FRYL: variants seen among roughly 807,000 people sequenced by gnomAD.
FRYL encodes protein furry homolog-like.
FRYL carries 150 observed loss-of-function variants against 351.2 expected under a neutral mutation model. The ratio of observed to expected loss-of-function variants is 0.43; its 90% confidence interval spans 0.37 to 0.49. FRYL has a LOEUF of 0.49. Among genes scored for constraint, FRYL ranks in the 20% least tolerant of loss-of-function variants. FRYL has a pLI of 0.00. For missense variants in FRYL, 3,036 were observed against 3,619.3 expected, an observed-to-expected ratio of 0.84 and a Z score of 4.13; for synonymous variants, 1,153 against 1,257.1, an observed-to-expected ratio of 0.92 and a Z score of 1.75.
At chr4:48,541,600 T>A (rs1230711097) in intron 45 of FRYL, among the ~76,000 whole-genome samples, 1 of 152,178 alleles carries the variant, frequency 6.6e-6, no homozygotes, top group Non-Finnish European at 1.5e-5. Flanking sequence ...GAGTTAGAAA[T>A]GCTTAGCTAG....
At chr4:48,666,574 T>C (rs531386365) in intron 3 of FRYL, among the ~76,000 whole-genome samples, 22 of 152,252 alleles carry the variant, frequency 1.4e-4, no homozygotes, top group Admixed American at 1.4e-3. Context: ...TTCATAATCT[T>C]AATATTCCTT....
chr4:48,539,943 G>A, intron 47 of FRYL, 28 bp downstream of exon 47: 1 of 1,499,960 alleles, frequency 6.7e-7, no homozygotes, highest in Non-Finnish European at 9.3e-7. Flanking sequence ...TCCCTATAGT[G>A]TTACCTTTCA....
chr4:48,761,410 C>T (rs1533511), intron 1 of FRYL, among the ~76,000 whole-genome samples: 149,359 of 152,266 alleles, frequency 0.98, 73,314 homozygotes, highest in East Asian at 1. Context: ...ACTGTAGCCA[C>T]AGTAACGTCA....
At chr4:48,671,158 T>C (rs1030738064) in intron 3 of FRYL, among the ~76,000 whole-genome samples, 17 of 152,194 alleles carry the variant, frequency 1.1e-4, no homozygotes, top group Non-Finnish European at 1.0e-4. Flanking sequence ...TGGAGTGAGA[T>C]GATATCTCAC....
intron 53 of FRYL, among the ~76,000 whole-genome samples, chr4:48,525,481 T>G (rs1384866123): frequency 6.6e-6 from 1 of 152,158 alleles, no homozygotes; most frequent in East Asian, 1.9e-4. Flanking sequence ...CTTTACTTCC[T>G]CAAACTGGTC....
At chr4:48,702,733 C>T (rs1237581609) in intron 2 of FRYL, among the ~76,000 whole-genome samples, 1 of 131,796 alleles carries the variant, frequency 7.6e-6, no homozygotes, top group Non-Finnish European at 1.5e-5. Context: ...TGCACTCCAG[C>T]CTGGGCGACA....
In FRYL at chr4:48,710,690, T is replaced by C; in HGVS notation, c.-375A>G. 2 of 398,030 alleles carry C rather than the reference T, an allele frequency of 5.0e-6. No individual in the cohort carries two copies. The highest frequency in any genetic ancestry group is 1.3e-4 in the South Asian group (1 of 7,702). 24.7% of individuals were successfully genotyped at this position (398,030 alleles called of 1,614,324 possible). On this transcript the variant is annotated 5_prime_UTR_variant, in exon 2 of 64. Transcript: ENST00000358350. Reference sequence around the variant, plus strand: ...ACCGTGTGTGAAGCAGAATATGGAATGTTCTAGGCTGGAAGATTAAAAAAT... The same window carrying C: ...ACCGTGTGTGAAGCAGAATATGGAACGTTCTAGGCTGGAAGATTAAAAAAT...
intron 3 of FRYL, among the ~76,000 whole-genome samples, chr4:48,666,634 C>G (rs1761760970): frequency 6.6e-6 from 1 of 152,122 alleles, no homozygotes; most frequent in Non-Finnish European, 1.5e-5. Context: ...TTAATAAGAT[C>G]CCCTACGTGA....
intron 1 of FRYL, among the ~76,000 whole-genome samples, chr4:48,725,190 A>G (rs1212759562): frequency 2.6e-5 from 4 of 152,238 alleles, no homozygotes; most frequent in Admixed American, 6.5e-5. Context: ...CTGCCCTTAC[A>G]TCGGCCATAT....
In FRYL at chr4:48,548,831, T is replaced by C. The variant is rs533394268; in HGVS notation, c.4785-38A>G. The C allele has an allele frequency of 3.3e-6, 4 of 1,194,790 alleles. No homozygotes were observed. In the African/African-American group the frequency reaches 6.1e-5, roughly 18 times the overall value. 74.0% of individuals were successfully genotyped at this position (1,194,790 alleles called of 1,614,324 possible). On this transcript the variant is annotated intron_variant, in intron 39 of 63. Coordinates refer to ENST00000358350, the MANE Select transcript of FRYL (RefSeq NM_015030.2). ...AGAGTTTCATTAACGTTTTACTAGA[T>C]CTCAGTAAACCTAGAGAGAATTTGG...
chr4:48,533,964 C>T (rs1309283651), intron 49 of FRYL, among the ~76,000 whole-genome samples: 3 of 152,148 alleles, frequency 2.0e-5, no homozygotes, highest in African/African-American at 4.8e-5. Context: ...CGGTGGCTCA[C>T]GCCTGTAATC....
intron 49 of FRYL, among the ~76,000 whole-genome samples, chr4:48,532,072 C>A (rs1230764009): frequency 6.6e-6 from 1 of 152,070 alleles, no homozygotes; most frequent in African/African-American, 2.4e-5. Flanking sequence ...TTTATAATAT[C>A]TTTCTTTTAC....
intron 53 of FRYL, among the ~76,000 whole-genome samples, chr4:48,526,824 T>C (rs2148858231): frequency 6.6e-6 from 1 of 152,202 alleles, no homozygotes; most frequent in African/African-American, 2.4e-5. Context: ...CCAGACTAAA[T>C]CAATTTAGAA....
At position 48,780,104 on chromosome 4, in the gene FRYL, T is replaced by C. The variant is rs1776518573; in HGVS notation, c.-410A>G. The C allele has an allele frequency of 6.5e-6, 1 of 154,548 alleles. No individual in the cohort carries two copies. The highest frequency in any genetic ancestry group is 1.4e-5 in the Non-Finnish European group (1 of 69,802). The allele number at this position is 154,548 out of a possible 1,614,324, so 9.6% of individuals were successfully genotyped here. On this transcript the variant is annotated 5_prime_UTR_variant, in exon 1 of 64. Transcript: ENST00000358350. ...CGTTCCCAGTCCTAGTACAGCTGCC[T>C]CGCTCCTCCAGCGCCGCCGGTCCCC...
At chr4:48,548,047 T>C (rs1731765202) in intron 40 of FRYL, among the ~76,000 whole-genome samples, 4 of 152,046 alleles carry the variant, frequency 2.6e-5, no homozygotes, top group Admixed American at 2.0e-4. Flanking sequence ...AAAAAATTCA[T>C]GGAAATGAAT....
intron 1 of FRYL, among the ~76,000 whole-genome samples, chr4:48,721,949 G>A (rs571218570): frequency 3.9e-5 from 6 of 152,186 alleles, no homozygotes; most frequent in Non-Finnish European, 5.9e-5. Context: ...CCATATGTAC[G>A]TTTCTTAGAT....
chr4:48,516,458 G>A (rs762730363), intron 55 of FRYL, among the ~76,000 whole-genome samples: 17 of 152,176 alleles, frequency 1.1e-4, no homozygotes, highest in Non-Finnish European at 1.5e-4. Flanking sequence ...TTGAAAATAA[G>A]TACTAATGGT....
intron 43 of FRYL, among the ~76,000 whole-genome samples, chr4:48,544,410 T>C (rs1234220856): frequency 2.6e-5 from 4 of 152,206 alleles, no homozygotes; most frequent in African/African-American, 4.8e-5. Context: ...TCTAGACATA[T>C]ACAATTTGAC....
chr4:48,656,538 T>C (rs1759213173), intron 3 of FRYL, among the ~76,000 whole-genome samples: 1 of 123,632 alleles, frequency 8.1e-6, no homozygotes, highest in African/African-American at 3.1e-5. Context: ...ATATATGCAT[T>C]ATATATAATG....
Sources: allele counts gnomAD v4.1 joint callset (sites outside exome capture counted in the v4.1 genomes callset), GRCh38; gene constraint gnomAD v4.1.1; transcripts MANE v1.5; gene names NCBI Gene and HGNC (gene_info 2026-07-23, HGNC 2026-07-21).